Variants in OPA3 observed in about 807,000 individuals in gnomAD.
OPA3 encodes outer mitochondrial membrane lipid metabolism regulator OPA3, also known as optic atrophy 3 protein.
OPA3 carries 6 observed loss-of-function variants against 4.0 expected under a neutral mutation model. The ratio of observed to expected loss-of-function variants is 1.51; its 90% CI spans 0.83 to 2.99. OPA3 has a LOEUF of 2.99. OPA3 is among the 30% of genes most tolerant of loss of function. OPA3 has a pLI of 0.00. For missense variants in OPA3, 235 were observed against 256.2 expected, an observed-to-expected ratio of 0.92 and a Z score of 0.56; for synonymous variants, 105 against 117.1, an observed-to-expected ratio of 0.90 and a Z score of 0.67.
At chr19:45,575,535 A>G (rs1969753307) in intron 1 of OPA3, among the ~76,000 whole-genome samples, 1 of 152,172 alleles carries the variant, frequency 6.6e-6, no homozygotes, top group Admixed American at 6.5e-5. Context: ...ACCTGAATGA[A>G]TGATCATGGT....
At chr19:45,558,903 T>A (rs1046799465) in intron 1 of OPA3, among the ~76,000 whole-genome samples, 4 of 151,324 alleles carry the variant, frequency 2.6e-5, no homozygotes, top group Admixed American at 2.0e-4. Flanking sequence ...TTTTTTTTGA[T>A]ACAGAGTCTT....
At chr19:45,564,092 C>G (rs1196167533) in intron 1 of OPA3, among the ~76,000 whole-genome samples, 2 of 141,982 alleles carry the variant, frequency 1.4e-5, no homozygotes, top group Non-Finnish European at 3.0e-5. Context: ...GCTCCCTCCT[C>G]AAGACCCAAT....
chr19:45,573,506 T>G (rs544469736), intron 1 of OPA3, among the ~76,000 whole-genome samples: 2 of 152,124 alleles, frequency 1.3e-5, no homozygotes, highest in African/African-American at 4.8e-5. Context: ...ACAGAGTACT[T>G]GAGGGCCAGG....
At position 45,527,753 on chromosome 19, in the gene OPA3, T is replaced by C. The variant is rs1451125345; in HGVS notation, c.*1303A>G. ...ACATTTTGCAGACGCACATTATGGT[T>C]CTCAGACACGTTCTTAAGATCTTTA... On this transcript the variant is annotated 3_prime_UTR_variant, in exon 2 of 2. Coordinates refer to the OPA3 transcript ENST00000323060. The C allele has an allele frequency of 1.3e-5, 2 of 152,172 alleles. 1 individual carries two copies. The highest frequency in any genetic ancestry group is 2.9e-5 in the Non-Finnish European group (2 of 68,054). The allele number at this position is 152,172 out of a possible 1,614,324, so 9.4% of individuals were successfully genotyped here.
At chr19:45,563,932 G>A (rs1035516958) in intron 1 of OPA3, among the ~76,000 whole-genome samples, 5 of 150,350 alleles carry the variant, frequency 3.3e-5, no homozygotes, top group African/African-American at 1.2e-4. Flanking sequence ...TCAAGCAATC[G>A]GCCTGTCTTG....
intron 1 of OPA3, among the ~76,000 whole-genome samples, chr19:45,576,095 C>T (rs1013664502): frequency 1.2e-4 from 18 of 151,604 alleles, no homozygotes; most frequent in Admixed American, 8.6e-4. Flanking sequence ...TTAGGGCATG[C>T]GCCTGTAATC....
chr19:45,540,794 C>T (rs1272009084), intron 1 of OPA3, among the ~76,000 whole-genome samples: 3 of 135,490 alleles, frequency 2.2e-5, no homozygotes, highest in Non-Finnish European at 5.1e-5. Flanking sequence ...GAGAGAGAGA[C>T]TCCGTCTCAA....
chr19:45,537,396 CAAA>C (rs1181396046), intron 1 of OPA3, among the ~76,000 whole-genome samples: 17 of 28,908 alleles, frequency 5.9e-4, no homozygotes, highest in African/African-American at 2.3e-3. Context: ...GACTCTGTCT[CAAA>C]AAAAAAAAAA....
downstream of OPA3, among the ~76,000 whole-genome samples, chr19:45,541,845 G>A (rs1301227473): frequency 6.6e-6 from 1 of 152,202 alleles, no homozygotes; most frequent in Non-Finnish European, 1.5e-5. Context: ...TATTACAGGT[G>A]TGAGCCACCA....
In OPA3 at chr19:45,530,927, C is replaced by CTTTTTTTTTTTTTT. The variant is rs71173176; in HGVS notation, c.143-1485_143-1472dup. Among the ~76,000 whole-genome samples, 30 of 35,456 alleles carry CTTTTTTTTTTTTTT rather than the reference C, an allele frequency of 8.5e-4. 6 individuals are homozygous for CTTTTTTTTTTTTTT. The highest frequency in any genetic ancestry group is 1.3e-3 in the Non-Finnish European group (25 of 19,040). 23.3% of individuals were successfully genotyped at this position (35,456 alleles called of 152,430 possible). A position where few individuals can be genotyped will look rare whatever the true frequency, so the allele number is the denominator to read the frequency against. ...ATGGCGTGTGCCACCATGTCACCTA[C>CTTTTTTTTTTTTTT]TTTTTTTTTTTTTTTTTTTTTTTTT... On this transcript the variant is annotated intron_variant, in intron 1 of 1. Coordinates refer to the OPA3 transcript ENST00000323060.
At chr19:45,569,550 C>T (rs1244153570) in intron 1 of OPA3, among the ~76,000 whole-genome samples, 1 of 152,074 alleles carries the variant, frequency 6.6e-6, no homozygotes, top group Non-Finnish European at 1.5e-5. Flanking sequence ...TAATTCCATC[C>T]TCCCCACCTC....
chr19:45,577,404 G>T (rs1469245625), intron 1 of OPA3, among the ~76,000 whole-genome samples: 1 of 152,180 alleles, frequency 6.6e-6, no homozygotes, highest in Non-Finnish European at 1.5e-5. Context: ...CCATGGCTGG[G>T]GGCCACAGCA....
intron 1 of OPA3, 120 bp downstream of exon 1, chr19:45,584,503 C>G: frequency 1.3e-6 from 2 of 1,584,230 alleles, no homozygotes; most frequent in East Asian, 4.5e-5. Flanking sequence ...CCACTATTGG[C>G]CACTGGACTT....
At position 45,575,774 on chromosome 19, in the gene OPA3, T is replaced by C. The variant is rs149947161; in HGVS notation, c.142+8849A>G. Among the ~76,000 whole-genome samples, 630 of 152,138 alleles carry C rather than the reference T, an allele frequency of 4.1e-3. 3 individuals are homozygous for C. The highest frequency in any genetic ancestry group is 0.015 in the African/African-American group (613 of 41,508). On this transcript the variant is annotated intron_variant, in intron 1 of 1. Coordinates refer to ENST00000263275, the MANE Select transcript of OPA3 (RefSeq NM_025136.4). ...ATGCATCACCATGCCCCACTAATTG[T>C]TTTTTATTTTTAGTAGGGACAAGGT... is the stretch of plus-strand genomic sequence containing the variant.
intron 1 of OPA3, among the ~76,000 whole-genome samples, chr19:45,575,127 G>T (rs1969747857): frequency 6.6e-6 from 1 of 152,180 alleles, no homozygotes; most frequent in Admixed American, 6.5e-5. Context: ...TTGAGACAGG[G>T]TCTTGCTCTG....
At chr19:45,563,347 ACGGGGTTT>A (rs2122469278) in intron 1 of OPA3, among the ~76,000 whole-genome samples, 1 of 151,228 alleles carries the variant, frequency 6.6e-6, no homozygotes, top group Admixed American at 6.6e-5. Context: ...TTTAGTAGAG[ACGGGGTTT>A]CACCGTGTTA....
At chr19:45,537,396 C>CAAAAAAAAAAAAAAAAAAAAAAAAA (rs1181396046) in intron 1 of OPA3, among the ~76,000 whole-genome samples, 1 of 28,916 alleles carries the variant, frequency 3.5e-5, no homozygotes, top group Non-Finnish European at 5.6e-5. Context: ...GACTCTGTCT[C>CAAAAAAAAAAAAAAAAAAAAAAAAA]AAAAAAAAAA....
chr19:45,530,574 ATC>A (rs1208621360), intron 1 of OPA3, among the ~76,000 whole-genome samples: 1 of 151,676 alleles, frequency 6.6e-6, no homozygotes, highest in Non-Finnish European at 1.5e-5. Context: ...CAGTGACACT[ATC>A]TCAGCTCACT....
chr19:45,537,427 A>G (rs1367946071), intron 1 of OPA3, among the ~76,000 whole-genome samples: 1 of 150,642 alleles, frequency 6.6e-6, no homozygotes, highest in Non-Finnish European at 1.5e-5. Context: ...AAAAAACAAG[A>G]AAAGAACTTT....
Sources: allele counts gnomAD v4.1 joint callset (sites outside exome capture counted in the v4.1 genomes callset), GRCh38; gene constraint gnomAD v4.1.1; transcripts MANE v1.5; gene names NCBI Gene and HGNC (gene_info 2026-07-23, HGNC 2026-07-21).